Variants in JAZF1 observed in about 807,000 individuals in gnomAD.
The protein encoded by JAZF1 is juxtaposed with another zinc finger protein 1.
In JAZF1, 8 loss-of-function variants were observed where a neutral mutation model predicts 26.4. That is an observed-to-expected ratio of 0.30 (90% CI 0.18 to 0.55). The LOEUF (loss-of-function observed/expected upper bound fraction) is 0.55. Among genes scored for constraint, JAZF1 ranks in the 20% least tolerant of loss-of-function variants. JAZF1 has a pLI of 0.94. For missense variants in JAZF1, 199 were observed against 322.0 expected (o/e 0.62, Z 2.92); for synonymous variants, 126 against 122.3 (o/e 1.03, Z -0.20).
At chr7:27,835,322 T>C (rs1446231433) in intron 4 of JAZF1, among the ~76,000 whole-genome samples, 1 of 152,168 alleles carries the variant, frequency 6.6e-6, no homozygotes, top group African/African-American at 2.4e-5. Context: ...GACCAGAAAT[T>C]GCTAAAGCCA....
chr7:28,049,275 G>A (rs1335918524), intron 1 of JAZF1, among the ~76,000 whole-genome samples: 3 of 151,464 alleles, frequency 2.0e-5, no homozygotes, highest in African/African-American at 7.3e-5. Flanking sequence ...GTAGAGACAG[G>A]GTTTCACCAT....
intron 3 of JAZF1, among the ~76,000 whole-genome samples, chr7:27,846,050 A>G (rs990240834): frequency 1.3e-5 from 2 of 152,030 alleles, no homozygotes; most frequent in African/African-American, 4.8e-5. Context: ...TCTCACCACT[A>G]CCACAAAGCT....
chr7:27,988,207 G>T (rs1338354077), intron 2 of JAZF1, among the ~76,000 whole-genome samples: 6 of 132,580 alleles, frequency 4.5e-5, no homozygotes, highest in Non-Finnish European at 6.5e-5. Flanking sequence ...AAAAAAAAAA[G>T]AACATGATTC....
chr7:27,904,698 T>C (rs1202283396), intron 2 of JAZF1, among the ~76,000 whole-genome samples: 1 of 151,810 alleles, frequency 6.6e-6, no homozygotes, highest in African/African-American at 2.4e-5. Flanking sequence ...AACATGCTAT[T>C]AAAATTCTAA....
chr7:27,916,805 G>A (rs537172944), intron 2 of JAZF1, among the ~76,000 whole-genome samples: 27 of 152,346 alleles, frequency 1.8e-4, no homozygotes, highest in East Asian at 9.6e-4. Flanking sequence ...AGCTGGGAAC[G>A]TGTGCACTGG....
intron 1 of JAZF1, among the ~76,000 whole-genome samples, chr7:28,117,143 G>A (rs1784759944): frequency 6.6e-6 from 1 of 152,212 alleles, no homozygotes; most frequent in East Asian, 1.9e-4. Context: ...GAGGTTAACT[G>A]TCCACTGCAA....
At chr7:28,108,251 A>G (rs17156392) in intron 1 of JAZF1, among the ~76,000 whole-genome samples, 5,907 of 152,246 alleles carry the variant, frequency 0.039, 357 homozygotes, top group African/African-American at 0.13. Flanking sequence ...GGCCCAGTTA[A>G]TGCCCCGATT....
intron 1 of JAZF1, among the ~76,000 whole-genome samples, chr7:27,998,457 T>C (rs1786066943): frequency 6.6e-6 from 1 of 152,200 alleles, no homozygotes; most frequent in Non-Finnish European, 1.5e-5. Context: ...TAATGCTTGT[T>C]GGCAACGGCC....
At chr7:28,160,204 G>C (rs577375062) in intron 1 of JAZF1, among the ~76,000 whole-genome samples, 19 of 151,964 alleles carry the variant, frequency 1.3e-4, no homozygotes, top group Non-Finnish European at 1.9e-4. Context: ...TGTCAAAAAA[G>C]GCTCCAGGAT....
chr7:27,872,051 C>A (rs1258757145), intron 3 of JAZF1, among the ~76,000 whole-genome samples: 3 of 152,162 alleles, frequency 2.0e-5, no homozygotes, highest in African/African-American at 4.8e-5. Context: ...AGCCACAGAG[C>A]GCCCATAGTC....
chr7:28,156,846 G>A (rs1022300567), intron 1 of JAZF1, among the ~76,000 whole-genome samples: 1 of 152,136 alleles, frequency 6.6e-6, no homozygotes, highest in South Asian at 2.1e-4. Flanking sequence ...ACCAAGCAAG[G>A]GGGGAAATCA....
At chr7:28,091,062 A>G (rs1227604213) in intron 1 of JAZF1, among the ~76,000 whole-genome samples, 3 of 150,264 alleles carry the variant, frequency 2.0e-5, no homozygotes, top group Admixed American at 1.3e-4. Context: ...TCCTGACCTC[A>G]TGATCCACCC....
intron 2 of JAZF1, among the ~76,000 whole-genome samples, chr7:27,973,687 G>A (rs964502901): frequency 2.0e-5 from 3 of 152,234 alleles, no homozygotes; most frequent in African/African-American, 7.2e-5. Context: ...AATAGATAGT[G>A]TTAAATGTCC....
chr7:27,881,761 C>G (rs1404008740), intron 3 of JAZF1, among the ~76,000 whole-genome samples: 1 of 152,086 alleles, frequency 6.6e-6, no homozygotes, highest in Non-Finnish European at 1.5e-5. Context: ...GAGGATGCAC[C>G]AACAGAAATG....
intron 3 of JAZF1, among the ~76,000 whole-genome samples, chr7:27,856,416 C>T (rs112574361): frequency 0.16 from 24,509 of 152,092 alleles, 2,166 homozygotes; most frequent in South Asian, 0.23. Flanking sequence ...TTGCAAAGAG[C>T]GAAAGAACAA....
At chr7:28,005,507 C>A (rs1782685604) in intron 1 of JAZF1, among the ~76,000 whole-genome samples, 1 of 151,970 alleles carries the variant, frequency 6.6e-6, no homozygotes, top group Non-Finnish European at 1.5e-5. Context: ...AATGTAAGTG[C>A]ACATAGGTCA....
intron 1 of JAZF1, among the ~76,000 whole-genome samples, chr7:28,070,014 C>T (rs145522399): frequency 1.3e-3 from 202 of 152,262 alleles, no homozygotes; most frequent in African/African-American, 4.8e-3. Context: ...TCCCTGCTCA[C>T]GGCACACTGC....
intron 1 of JAZF1, among the ~76,000 whole-genome samples, chr7:28,179,778 CCCGGCCCCCGCCCGCGGCCG>C (rs1486245564): frequency 6.8e-6 from 1 of 147,924 alleles, no homozygotes; most frequent in Non-Finnish European, 1.5e-5. Context: ...GGGCAAGCTC[CCCGGCCCCCGCCCGCGGCCG>C]CCGGCCCCGG....
At chr7:28,067,700 C>T (rs1040322079) in intron 1 of JAZF1, among the ~76,000 whole-genome samples, 1 of 152,150 alleles carries the variant, frequency 6.6e-6, no homozygotes, top group Non-Finnish European at 1.5e-5. Context: ...CCAAGTAGGG[C>T]AATTTCGTTT....
Sources: allele counts gnomAD v4.1 joint callset (sites outside exome capture counted in the v4.1 genomes callset), GRCh38; gene constraint gnomAD v4.1.1; transcripts MANE v1.5; gene names NCBI Gene and HGNC (gene_info 2026-07-23, HGNC 2026-07-21).